TRNAU1AP: variants seen among roughly 807,000 people sequenced by gnomAD.
TRNAU1AP encodes tRNA selenocysteine 1 associated protein 1.
In TRNAU1AP, 33 loss-of-function variants were observed where a neutral mutation model predicts 43.3. The ratio of observed to expected loss-of-function variants is 0.76; its 90% CI spans 0.58 to 1.02. TRNAU1AP has a LOEUF of 1.02. Among genes scored for constraint, TRNAU1AP ranks in the 50% least tolerant of loss-of-function variants. The probability of loss-of-function intolerance (pLI) is 0.00; values close to 1 mark genes in which losing one functional copy is unlikely to be tolerated. For synonymous variants in TRNAU1AP, 143 were observed against 129.1 expected (o/e 1.11, Z -0.73); for missense variants, 290 against 362.7 (o/e 0.80, Z 1.63).
chr1:28,568,286 TTTTG>T (rs1323362303), intron 6 of TRNAU1AP, among the ~76,000 whole-genome samples: 5 of 152,250 alleles, frequency 3.3e-5, no homozygotes, highest in South Asian at 2.1e-4. Flanking sequence ...GAATGGGATT[TTTTG>T]TTTGTTTGTT....
chr1:28,555,763 T>G lies in TRNAU1AP; in HGVS notation c.125+2026T>G, dbSNP rs144229722. On this transcript the variant is annotated intron_variant, in intron 2 of 8. Coordinates refer to ENST00000373830, the MANE Select transcript of TRNAU1AP (RefSeq NM_017846.5). ...TTCTGACTGGTAGATCGTGCCCACC[T>G]AAATATTTCTCTTCTTGCTCTTCTA... 2.6e-3 allele frequency among the ~76,000 whole-genome samples: 400 copies of G among 152,274 alleles called. 1 individual carries two copies. Among genetic ancestry groups the G allele is most frequent in the Non-Finnish European group, 2.4e-3 (165 of 68,010 alleles).
intron 2 of TRNAU1AP, among the ~76,000 whole-genome samples, chr1:28,558,938 A>G (rs72885777): frequency 0.051 from 7,756 of 152,254 alleles, 251 homozygotes; most frequent in African/African-American, 0.085. Context: ...CTCTAATACC[A>G]TATCATAGCA....
At chr1:28,570,744 T>C (rs549618589) in intron 6 of TRNAU1AP, among the ~76,000 whole-genome samples, 9 of 152,178 alleles carry the variant, frequency 5.9e-5, no homozygotes, top group African/African-American at 1.2e-4. Context: ...ATCTGTAAAA[T>C]AGGAATAATG....
At chr1:28,576,813 G>A (rs541663868) in intron 8 of TRNAU1AP, among the ~76,000 whole-genome samples, 1 of 152,236 alleles carries the variant, frequency 6.6e-6, no homozygotes, top group South Asian at 2.1e-4. Context: ...TGGTCAGGCT[G>A]GTCTTGAACT....
chr1:28,557,469 C>CA (rs1665292139), intron 2 of TRNAU1AP, among the ~76,000 whole-genome samples: 1 of 118,162 alleles, frequency 8.5e-6, no homozygotes, highest in South Asian at 2.9e-4. Context: ...TTACATGTTT[C>CA]TTTTTTTTTT....
At chr1:28,569,469 A>T (rs1239949983) in intron 6 of TRNAU1AP, among the ~76,000 whole-genome samples, 1 of 151,856 alleles carries the variant, frequency 6.6e-6, no homozygotes, top group Non-Finnish European at 1.5e-5. Flanking sequence ...AGGTGGGTGG[A>T]TCACAAGGTC....
chr1:28,554,579 C>T (rs1343801992), intron 2 of TRNAU1AP, among the ~76,000 whole-genome samples: 1 of 152,042 alleles, frequency 6.6e-6, no homozygotes, highest in Non-Finnish European at 1.5e-5. Flanking sequence ...CAGTGGCTCT[C>T]GCCTGTAATC....
intron 6 of TRNAU1AP, among the ~76,000 whole-genome samples, chr1:28,570,512 T>C (rs1252239617): frequency 6.6e-6 from 1 of 151,768 alleles, no homozygotes; most frequent in East Asian, 1.9e-4. Context: ...CCTCCCAAAG[T>C]GTTGGGATTA....
rs1665831646 is a variant in TRNAU1AP, at chr1:28,577,759, C to CATGA, written c.*127_*130dup. The CATGA allele has an allele frequency of 2.7e-6, 3 of 1,120,278 alleles. No homozygotes were observed. Among genetic ancestry groups the CATGA allele is most frequent in the Non-Finnish European group, 3.8e-6 (3 of 785,202 alleles). 69.4% of individuals were successfully genotyped at this position (1,120,278 alleles called of 1,614,324 possible). A position where few individuals can be genotyped will look rare whatever the true frequency, so the allele number is the denominator to read the frequency against. ...TTTAATAATGACTGTTTTTGGAGAT[C>CATGA]ATGAATGTTTCTACAACACTGCTGC... On this transcript the variant is annotated 3_prime_UTR_variant, in exon 9 of 9. Coordinates refer to ENST00000373830, the MANE Select transcript of TRNAU1AP (RefSeq NM_017846.5).
chr1:28,553,432 G>C, intron 1 of TRNAU1AP: 1 of 622,996 alleles, frequency 1.6e-6, no homozygotes, highest in Non-Finnish European at 2.9e-6. Context: ...GGAGGAGTGG[G>C]GTTTCTAGGT....
At chr1:28,571,360 TGGTCCCCTTG>T in intron 7 of TRNAU1AP, 22 bp downstream of exon 7, 1 of 1,613,336 alleles carries the variant, frequency 6.2e-7, no homozygotes, top group South Asian at 1.1e-5. Context: ...TTGGCAAGAC[TGGTCCCCTTG>T]GGTTGTGTTT....
rs2124181412 is a variant in TRNAU1AP at position 28,553,749 on chromosome 1, C to T, written c.125+12C>T. On this transcript the variant is annotated intron_variant, in intron 2 of 8. Coordinates refer to ENST00000373830, the MANE Select transcript of TRNAU1AP (RefSeq NM_017846.5). ...AACCGCCTCACTGGGTAAGTCTCAT[C>T]TCAGGTCTCTCTTAATACATCTCGT... 1 of 1,609,562 alleles carries T rather than the reference C, an allele frequency of 6.2e-7. No individual in the cohort carries two copies. Among genetic ancestry groups the T allele is most frequent in the Non-Finnish European group, 8.5e-7 (1 of 1,175,836 alleles).
chr1:28,553,171 A>G (rs1665173836), intron 1 of TRNAU1AP, 34 bp downstream of exon 1: 4 of 1,477,732 alleles, frequency 2.7e-6, no homozygotes, highest in Admixed American at 2.5e-5. Context: ...GTCTGAAGAC[A>G]AGGAAGCATC....
At chr1:28,575,008 A>G (rs1415268898) in intron 8 of TRNAU1AP, among the ~76,000 whole-genome samples, 1 of 152,154 alleles carries the variant, frequency 6.6e-6, no homozygotes, top group African/African-American at 2.4e-5. Context: ...AGGGTCACAC[A>G]GTGTGGGGCA....
intron 5 of TRNAU1AP, 153 bp downstream of exon 5, chr1:28,564,987 T>C: frequency 2.4e-6 from 2 of 829,016 alleles, no homozygotes; most frequent in South Asian, 3.0e-5. Flanking sequence ...CCAATACAGG[T>C]GAGGGAGAAT....
In TRNAU1AP at chr1:28,571,135, A is replaced by G. The variant is rs756772311; in HGVS notation, c.531-41A>G. On this transcript the variant is annotated intron_variant, in intron 6 of 8. Coordinates refer to ENST00000373830, the MANE Select transcript of TRNAU1AP (RefSeq NM_017846.5). Reference sequence around the variant, plus strand: ...TGGCCACATAGGCAGTGTTACGGAAATGTTTGCTTACACTTATTTTTGTTT... The same window carrying G: ...TGGCCACATAGGCAGTGTTACGGAAGTGTTTGCTTACACTTATTTTTGTTT... 3.0e-5 allele frequency: 48 copies of G among 1,601,948 alleles called. 1 individual carries two copies. The South Asian group carries it at 5.0e-4, about 17-fold the overall frequency.
chr1:28,562,728 C>T (rs1665439829), intron 4 of TRNAU1AP, among the ~76,000 whole-genome samples: 1 of 151,674 alleles, frequency 6.6e-6, no homozygotes, highest in South Asian at 2.1e-4. Flanking sequence ...CTACAGGTGC[C>T]TGCCACCACG....
chr1:28,571,392 A>G, intron 7 of TRNAU1AP, 54 bp downstream of exon 7: 1 of 1,586,078 alleles, frequency 6.3e-7, no homozygotes, highest in Non-Finnish European at 8.7e-7. Context: ...TCCTCTAGAA[A>G]CAGGTCATTC....
At chr1:28,572,267 C>T (rs1665678462) in intron 8 of TRNAU1AP, among the ~76,000 whole-genome samples, 1 of 152,138 alleles carries the variant, frequency 6.6e-6, no homozygotes, top group African/African-American at 2.4e-5. Flanking sequence ...GATCTCAGTT[C>T]ACCGCAACCT....
Sources: gnomAD v4.1 joint callset for allele counts (sites outside exome capture counted in the v4.1 genomes callset) on GRCh38, gnomAD v4.1.1 for gene constraint, MANE v1.5 for transcripts, NCBI Gene and HGNC (gene_info 2026-07-23, HGNC 2026-07-21) for gene names.